LINGO2: variants seen among roughly 807,000 people sequenced by gnomAD.
LINGO2 encodes leucine-rich repeat and immunoglobulin-like domain-containing nogo receptor-interacting protein 2.
Under a neutral mutation model 30.6 loss-of-function variants are expected in LINGO2, and 14 were observed. That is an observed-to-expected ratio of 0.46 (90% CI 0.30 to 0.72). LINGO2 has a LOEUF of 0.72. Among genes scored for constraint, LINGO2 ranks in the 30% least tolerant of loss-of-function variants. The pLI, the probability that LINGO2 is intolerant of heterozygous loss-of-function variation, is 0.07. For missense variants in LINGO2, 729 were observed against 751.7 expected (o/e 0.97, Z 0.35); for synonymous variants, 317 against 288.5 (o/e 1.10, Z -1.00).
At chr9:28,988,524 A>G in the LINGO2 span, among the ~76,000 whole-genome samples, 1 of 152,268 alleles carries the variant, frequency 6.6e-6, no homozygotes, top group East Asian at 1.9e-4. Flanking sequence ...TAATCCATCT[A>G]CACTCACAGC....
chr9:28,586,433 T>C (rs1824544709), intron 1 of LINGO2, among the ~76,000 whole-genome samples: 1 of 152,102 alleles, frequency 6.6e-6, no homozygotes, highest in Non-Finnish European at 1.5e-5. Flanking sequence ...GATGAGAACT[T>C]GGCCTTTACA....
At chr9:28,356,329 A>G (rs1043357221) in intron 3 of LINGO2, among the ~76,000 whole-genome samples, 19 of 152,108 alleles carry the variant, frequency 1.2e-4, no homozygotes, top group Non-Finnish European at 2.8e-4. Context: ...ATGACCTCCT[A>G]GGTTTGTAGA....
At chr9:28,189,289 G>A (rs13285709) in intron 4 of LINGO2, among the ~76,000 whole-genome samples, 614 of 17,048 alleles carry the variant, frequency 0.036, 48 homozygotes, top group African/African-American at 0.12. Context: ...GGGAGGGAGG[G>A]AGGAAGGAAG....
intron 2 of LINGO2, among the ~76,000 whole-genome samples, chr9:28,463,580 G>A (rs1825172617): frequency 6.6e-6 from 1 of 151,920 alleles, no homozygotes; most frequent in Non-Finnish European, 1.5e-5. Flanking sequence ...GCTTGTAAAA[G>A]GTCATCTGAA....
chr9:28,396,965 A>AT (rs1822073795), intron 2 of LINGO2, among the ~76,000 whole-genome samples: 2 of 152,160 alleles, frequency 1.3e-5, no homozygotes, highest in South Asian at 4.2e-4. Flanking sequence ...CTTCAAGATG[A>AT]TTTTGCAAGT....
chr9:28,784,946 C>CA, the LINGO2 span, among the ~76,000 whole-genome samples: 1,339 of 89,676 alleles, frequency 0.015, 4 homozygotes, highest in South Asian at 0.031. Context: ...GACTCTGTCT[C>CA]AAAAAAAAAA....
chr9:28,711,024 C>G, the LINGO2 span, among the ~76,000 whole-genome samples: 3 of 151,798 alleles, frequency 2.0e-5, no homozygotes, highest in African/African-American at 7.3e-5. Context: ...GATACTGGCC[C>G]CAGCATTTAT....
intron 4 of LINGO2, among the ~76,000 whole-genome samples, chr9:28,285,552 C>T (rs1233495760): frequency 6.6e-6 from 1 of 151,786 alleles, no homozygotes; most frequent in Non-Finnish European, 1.5e-5. Flanking sequence ...ACTACAGGCA[C>T]CCACCACCAT....
At chr9:28,174,335 A>G (rs2133677432) in intron 4 of LINGO2, among the ~76,000 whole-genome samples, 1 of 152,370 alleles carries the variant, frequency 6.6e-6, no homozygotes, top group South Asian at 2.1e-4. Flanking sequence ...CTGGGTCAGA[A>G]CACTGCTATG....
intron 4 of LINGO2, among the ~76,000 whole-genome samples, chr9:28,157,195 C>A (rs1828155696): frequency 6.6e-6 from 1 of 152,220 alleles, no homozygotes; most frequent in Admixed American, 6.5e-5. Flanking sequence ...GACATCCAGG[C>A]ATTTCCATAC....
chr9:28,393,279 A>T (rs1427097465), intron 2 of LINGO2, among the ~76,000 whole-genome samples: 1 of 152,272 alleles, frequency 6.6e-6, no homozygotes, highest in Non-Finnish European at 1.5e-5. Flanking sequence ...AGAATATAGG[A>T]TAAAAGGACA....
chr9:28,999,440 T>C, the LINGO2 span, among the ~76,000 whole-genome samples: 1 of 152,112 alleles, frequency 6.6e-6, no homozygotes, highest in African/African-American at 2.4e-5. Context: ...CTATCTGACT[T>C]ATTTCTGTAT....
intron 4 of LINGO2, among the ~76,000 whole-genome samples, chr9:28,101,250 G>A (rs1008962356): frequency 6.6e-6 from 1 of 151,884 alleles, no homozygotes; most frequent in Non-Finnish European, 1.5e-5. Context: ...ACTATTGATG[G>A]GGTGTCCATC....
the LINGO2 span, among the ~76,000 whole-genome samples, chr9:28,734,930 G>C: frequency 1.1e-3 from 160 of 152,166 alleles, no homozygotes; most frequent in African/African-American, 3.7e-3. Context: ...ATTTCAATCA[G>C]CATAATTTAA....
the LINGO2 span, among the ~76,000 whole-genome samples, chr9:28,811,647 A>G: frequency 6.6e-6 from 1 of 152,014 alleles, no homozygotes; most frequent in African/African-American, 2.4e-5. Flanking sequence ...TTGTGTTTTA[A>G]TATTACTTAG....
chr9:28,327,970 C>T (rs1268912672), intron 3 of LINGO2, among the ~76,000 whole-genome samples: 1 of 152,136 alleles, frequency 6.6e-6, no homozygotes, highest in African/African-American at 2.4e-5. Context: ...GAAAGTACAA[C>T]ATACACTCTC....
intron 1 of LINGO2, among the ~76,000 whole-genome samples, chr9:28,486,344 T>C (rs536437849): frequency 3.3e-5 from 5 of 152,286 alleles, no homozygotes; most frequent in African/African-American, 9.6e-5. Context: ...TTTGGCAATT[T>C]GTGTGTTGCA....
At chr9:28,243,383 C>G (rs577714416) in intron 4 of LINGO2, among the ~76,000 whole-genome samples, 30 of 151,520 alleles carry the variant, frequency 2.0e-4, no homozygotes, top group Admixed American at 1.2e-3. Flanking sequence ...TTGCTTGAAC[C>G]TGGGAGGCAG....
chr9:29,072,087 T>G, the LINGO2 span, among the ~76,000 whole-genome samples: 2 of 152,064 alleles, frequency 1.3e-5, no homozygotes, highest in Admixed American at 6.6e-5. Context: ...CACTAGAAAG[T>G]TGGGCAAACT....
Sources: allele counts gnomAD v4.1 joint callset (sites outside exome capture counted in the v4.1 genomes callset), GRCh38; gene constraint gnomAD v4.1.1; transcripts MANE v1.5; gene names NCBI Gene and HGNC (gene_info 2026-07-23, HGNC 2026-07-21).